The following IREB2 variants were observed in gnomAD, a reference collection of about 807,000 sequenced individuals.
IREB2 encodes iron responsive element binding protein 2.
Under a neutral mutation model 118.8 loss-of-function variants are expected in IREB2, and 39 were observed. The ratio of observed to expected loss-of-function variants is 0.33; its 90% CI spans 0.25 to 0.43. The LOEUF (loss-of-function observed/expected upper bound fraction) is 0.43, where lower values mean the gene tolerates loss of function less well. IREB2 is among the 20% of genes least tolerant of loss of function. The pLI is 1.00. For synonymous variants in IREB2, 372 were observed against 392.2 expected (o/e 0.95, Z 0.61); for missense variants, 900 against 1,147.3 (o/e 0.78, Z 3.11).
rs756847270 is a variant in IREB2, at chr15:78,438,348, C to T, written c.11C>T (p.Pro4Leu). ...ATATGGTCTCCGGCGATGGACGCCC[C>T]AAAAGCAGGTCAGTTTCGGGCCTCC... is the stretch of plus-strand genomic sequence containing the variant. MDAPKAGYAFEYLI... is the reference protein window; with the variant it reads MDALKAGYAFEYLI... Residue 4 changes from proline to leucine, a missense_variant, in exon 1 of 22, where the codon CCA becomes CTA. Pro to Leu is a moderately conservative substitution (Grantham distance 98). Transcript: ENST00000258886. 31 of 1,597,328 alleles carry T rather than the reference C, an allele frequency of 1.9e-5. No individual in the cohort carries two copies. The highest frequency in any genetic ancestry group is 2.6e-5 in the Non-Finnish European group (30 of 1,172,854).
At chr15:78,446,957 T>C (rs1202792279) in intron 2 of IREB2, among the ~76,000 whole-genome samples, 5 of 152,182 alleles carry the variant, frequency 3.3e-5, no homozygotes, top group Non-Finnish European at 7.3e-5. Context: ...TCTTGTTGGC[T>C]CAATTTCTGT....
intron 9 of IREB2, among the ~76,000 whole-genome samples, chr15:78,477,733 A>C (rs2141499997): frequency 6.6e-6 from 1 of 151,918 alleles, no homozygotes; most frequent in African/African-American, 2.4e-5. Flanking sequence ...TAGCTTGGGC[A>C]ACATAGCAAG....
At chr15:78,487,892 A>C in intron 14 of IREB2, 75 bp downstream of exon 14, 1 of 935,648 alleles carries the variant, frequency 1.1e-6, no homozygotes, top group Admixed American at 2.1e-5. Context: ...TAGAAAATAT[A>C]TATTGATGTG....
chr15:78,495,640 T>A (rs974768555), intron 20 of IREB2, among the ~76,000 whole-genome samples: 2 of 152,196 alleles, frequency 1.3e-5, no homozygotes, highest in Non-Finnish European at 2.9e-5. Context: ...CTGTGCCCAG[T>A]GTTTGTCAGT....
At chr15:78,438,731 CG>C in intron 1 of IREB2, 1 of 325,604 alleles carries the variant, frequency 3.1e-6, no homozygotes, top group East Asian at 6.8e-5. Context: ...GCGATGAAGG[CG>C]GGGGCCTGCG....
chr15:78,450,830 G>A (rs1278813439), intron 2 of IREB2, among the ~76,000 whole-genome samples: 1 of 72,664 alleles, frequency 1.4e-5, no homozygotes, highest in Non-Finnish European at 2.9e-5. Context: ...AAATTTGTGT[G>A]TGTGTGTGTG....
intron 3 of IREB2, among the ~76,000 whole-genome samples, chr15:78,464,172 C>T (rs1045796916): frequency 7.9e-5 from 12 of 152,236 alleles, no homozygotes; most frequent in Admixed American, 2.6e-4. Flanking sequence ...AATCAATAGT[C>T]TGTTCTTTAC....
intron 10 of IREB2, among the ~76,000 whole-genome samples, chr15:78,481,214 A>C (rs919040325): frequency 3.9e-5 from 6 of 152,000 alleles, no homozygotes; most frequent in Non-Finnish European, 7.4e-5. Flanking sequence ...GAGTCAATGC[A>C]CTCCAGCCTT....
chr15:78,471,465 T>G (rs2051375549), intron 6 of IREB2, among the ~76,000 whole-genome samples: 2 of 152,244 alleles, frequency 1.3e-5, no homozygotes, highest in African/African-American at 4.8e-5. Context: ...TGAGCCTTTC[T>G]TCCTTCTCAT....
At chr15:78,489,187 AC>A (rs1396795545) in intron 16 of IREB2, among the ~76,000 whole-genome samples, 2 of 151,420 alleles carry the variant, frequency 1.3e-5, no homozygotes, top group Non-Finnish European at 2.9e-5. Flanking sequence ...GCGCCACTGC[AC>A]TCCAGCCTGG....
rs1163293001 is a variant in IREB2, at chr15:78,501,442, TG to T, written c.*3300del. On this transcript the variant is annotated 3_prime_UTR_variant, in exon 22 of 22. Coordinates refer to ENST00000258886, the MANE Select transcript of IREB2 (RefSeq NM_004136.4). ...GTAAATTATTTTTAATAAAGAAAATTGTATTATCACATTTGATTCTTGTTCT... is the reference window on the plus strand; with the variant it reads ...GTAAATTATTTTTAATAAAGAAAATTTATTATCACATTTGATTCTTGTTCT... The T allele has an allele frequency of 6.6e-6, 1 of 152,600 alleles. No individual in the cohort carries two copies. The highest frequency in any genetic ancestry group is 1.5e-5 in the Non-Finnish European group (1 of 68,030). The allele number at this position is 152,600 out of a possible 1,614,324, so 9.5% of individuals were successfully genotyped here. A position where few individuals can be genotyped will look rare whatever the true frequency, so the allele number is the denominator to read the frequency against.
intron 2 of IREB2, among the ~76,000 whole-genome samples, chr15:78,444,467 A>T (rs942373446): frequency 1.3e-5 from 2 of 151,996 alleles, no homozygotes; most frequent in Non-Finnish European, 2.9e-5. Context: ...CCTTTATCTC[A>T]GGTCATCTTA....
chr15:78,485,864 A>C (rs759319936), intron 13 of IREB2, 24 bp downstream of exon 13: 4 of 1,602,470 alleles, frequency 2.5e-6, no homozygotes, highest in Non-Finnish European at 3.4e-6. Flanking sequence ...ATCGCACTTC[A>C]TATTGATATT....
intron 11 of IREB2, among the ~76,000 whole-genome samples, 170 bp downstream of exon 11, chr15:78,483,604 A>G (rs886989839): frequency 3.3e-5 from 5 of 152,098 alleles, no homozygotes; most frequent in Admixed American, 3.3e-4. Context: ...GTCATTAGGT[A>G]AGCTTGTTCC....
chr15:78,497,927 A>G, intron 21 of IREB2, 106 bp from the exon 22 acceptor site: 1 of 622,604 alleles, frequency 1.6e-6, no homozygotes, highest in Non-Finnish European at 2.8e-6. Context: ...ATCAGACAGA[A>G]TCTGTGGCAA....
At chr15:78,476,788 A>G (rs12916801) in intron 9 of IREB2, 77,123 of 152,298 alleles carry the variant, frequency 0.51, 20,930 homozygotes, top group Non-Finnish European at 0.62. Context: ...AAATTTTGCA[A>G]AAAACAACAT....
intron 2 of IREB2, 100 bp downstream of exon 2, chr15:78,439,981 A>G (rs911179864): frequency 9.5e-6 from 7 of 737,860 alleles, no homozygotes; most frequent in African/African-American, 8.8e-5. Flanking sequence ...TTTCCACCGT[A>G]TTGTAACAGG....
chr15:78,448,188 C>G lies in IREB2; in HGVS notation c.106+8307C>G, dbSNP rs533264630. Among the ~76,000 whole-genome samples, 10 of 152,284 alleles carry G rather than the reference C, an allele frequency of 6.6e-5. No individual in the cohort carries two copies. The South Asian group carries it at 1.4e-3, about 22-fold the overall frequency. Reference sequence around the variant, plus strand: ...GAGACAGAGTCTTGCTCTGTCATCCCAGCTGGAGTGCAGTGGCATGATCTC... The same window carrying G: ...GAGACAGAGTCTTGCTCTGTCATCCGAGCTGGAGTGCAGTGGCATGATCTC... On this transcript the variant is annotated intron_variant, in intron 2 of 21. Coordinates refer to ENST00000258886, the MANE Select transcript of IREB2 (RefSeq NM_004136.4).
intron 16 of IREB2, 65 bp downstream of exon 16, chr15:78,488,836 C>T: frequency 5.5e-6 from 5 of 901,814 alleles, no homozygotes; most frequent in African/African-American, 1.7e-5. Flanking sequence ...TTTCATATAT[C>T]TTCTGAATAG....
Sources: allele counts gnomAD v4.1 joint callset (sites outside exome capture counted in the v4.1 genomes callset), GRCh38; gene constraint gnomAD v4.1.1; transcripts MANE v1.5; gene names NCBI Gene and HGNC (gene_info 2026-07-23, HGNC 2026-07-21).